SLC34A3: variants seen among roughly 807,000 people sequenced by gnomAD.
SLC34A3 encodes the protein solute carrier family 34 member 3.
In SLC34A3, 60 loss-of-function variants were observed where a neutral mutation model predicts 43.9. The ratio of observed to expected loss-of-function variants is 1.37; its 90% CI spans 1.11 to 1.70. The LOEUF (loss-of-function observed/expected upper bound fraction) is 1.70. Ranked by LOEUF, SLC34A3 falls within the 40% of genes most tolerant of loss-of-function variation. SLC34A3 has a pLI of 0.00. For synonymous variants in SLC34A3, 451 were observed against 386.2 expected (o/e 1.17, Z -1.97); for missense variants, 969 against 823.8 (o/e 1.18, Z -2.16).
At chr9:137,230,057 A>G (rs555055281), upstream of SLC34A3, among the ~76,000 whole-genome samples, 1 of 152,158 alleles carries the variant, frequency 6.6e-6, no homozygotes, top group Non-Finnish European at 1.5e-5. Flanking sequence ...CCCCATGCAC[A>G]CAGCGGGGGC....
chr9:137,232,815 C>T lies in SLC34A3; in HGVS notation c.336C>T (p.Asn112=), dbSNP rs138683772. The T allele has an allele frequency of 1.9e-5, 30 of 1,613,028 alleles. No homozygotes were observed. In the African/African-American group the frequency reaches 2.3e-4, roughly 12 times the overall value. The change falls in exon 5 of 13, where the codon AAC becomes AAT. Residue 112 remains asparagine, a synonymous_variant. Transcript: ENST00000673835. ...SKVAGDIFKD[N]VVLSNPVAGL... Reference sequence around the variant, plus strand: ...TGGCCGGAGACATCTTCAAGGACAACGTGGTGCTGTCCAACCCTGTGGCTG... The same window carrying T: ...TGGCCGGAGACATCTTCAAGGACAATGTGGTGCTGTCCAACCCTGTGGCTG...
chr9:137,233,799 C>A, intron 8 of SLC34A3, 64 bp from the exon 9 acceptor site: 3 of 1,506,862 alleles, frequency 2.0e-6, no homozygotes, highest in African/African-American at 1.4e-5. Flanking sequence ...CCCACCCTCA[C>A]CTCGAGCCCT....
chr9:137,232,076 C>T lies in SLC34A3; in HGVS notation c.90C>T (p.Thr30=). The T allele has an allele frequency of 1.2e-6, 2 of 1,613,180 alleles. No individual in the cohort carries two copies. Among genetic ancestry groups the T allele is most frequent in the Non-Finnish European group, 1.7e-6 (2 of 1,179,930 alleles). Residue 30 remains threonine (T), a synonymous_variant, in exon 3 of 13, where the codon ACC becomes ACT. Transcript: ENST00000673835. ...TACTCAATTCTACCTCCACAGGGACCTCCAGTTCTGCTCCAGTCTTGGAGG... is the reference window on the plus strand; with the variant it reads ...TACTCAATTCTACCTCCACAGGGACTTCCAGTTCTGCTCCAGTCTTGGAGG... ...LVEKTLRNEG[T]SSSAPVLEEG...
intron 12 of SLC34A3, 81 bp from the exon 13 acceptor site, chr9:137,235,871 G>A (rs1174164468): frequency 8.0e-6 from 10 of 1,256,518 alleles, no homozygotes; most frequent in African/African-American, 1.5e-5. Context: ...CCTTCTGTAG[G>A]GTGGAGGAGG....
chr9:137,231,794 G>T lies in SLC34A3; in HGVS notation c.85+7G>T, dbSNP rs375872451. The T allele has an allele frequency of 4.4e-5, 71 of 1,612,118 alleles. No individual in the cohort carries two copies. The highest frequency in any genetic ancestry group is 5.3e-5 in the Non-Finnish European group (62 of 1,179,158). On this transcript the variant is annotated splice_region_variant and intron_variant, in intron 2 of 12. Coordinates refer to ENST00000673835, the MANE Select transcript of SLC34A3 (RefSeq NM_001177316.2). ...AAGACTCTGAGGAATGAAGGTACCA[G>T]TGGCCCCTGTGCCCCAGGCCTTCAC... is the stretch of plus-strand genomic sequence containing the variant.
Position 137,234,807 on chromosome 9 carries a change from C to A in SLC34A3, c.1335+76C>A. On this transcript the variant is annotated intron_variant, in intron 12 of 12. Transcript: ENST00000673835. This position sits in a 1 kb window ranked among gnomAD's most constrained non-coding sequence, Gnocchi z 6.9. The stretch of plus-strand genomic sequence containing the variant: ...CCACAGACAGGAGTGTGTCACCAGC[C>A]CCGGGGCCCTAGGCTGGCTGTGCCC... The A allele has an allele frequency of 6.3e-7, 1 of 1,594,238 alleles. No individual in the cohort carries two copies. The highest frequency in any genetic ancestry group is 2.2e-5 in the East Asian group (1 of 44,764).
chr9:137,232,665 C>T lies in SLC34A3; in HGVS notation c.266C>T (p.Ser89Phe), dbSNP rs771867611. The change falls in exon 4 of 13, where the codon TCT becomes TTT. Residue 89 changes from serine (S) to phenylalanine (F), a missense_variant. Ser to Phe is a radical substitution (Grantham distance 155, BLOSUM62 -2). Coordinates refer to ENST00000673835, the MANE Select transcript of SLC34A3 (RefSeq NM_001177316.2). ...LLGSLYFFIC[S>F]LDVLSSAFQL... Reference sequence around the variant, plus strand: ...GGCAGCCTGTACTTCTTCATCTGCTCTCTGGACGTCCTCAGCTCCGCCTTC... The same window carrying T: ...GGCAGCCTGTACTTCTTCATCTGCTTTCTGGACGTCCTCAGCTCCGCCTTC... 2.4e-5 allele frequency: 39 copies of T among 1,612,722 alleles called. No homozygotes were observed. Among genetic ancestry groups the T allele is most frequent in the Non-Finnish European group, 3.3e-5 (39 of 1,179,950 alleles).
At chr9:137,233,564 G>T in intron 7 of SLC34A3, 69 bp from the exon 8 acceptor site, 1 of 1,572,090 alleles carries the variant, frequency 6.4e-7, no homozygotes, top group Non-Finnish European at 8.7e-7. Flanking sequence ...TGGACCCCGC[G>T]GGCGCCAGAG....
intron 3 of SLC34A3, 28 bp downstream of exon 3, chr9:137,232,189 G>A: frequency 1.9e-6 from 3 of 1,600,838 alleles, no homozygotes; most frequent in African/African-American, 2.7e-5. Context: ...GGGGGTGGCA[G>A]GCTGGCAGGC....
In SLC34A3 at chr9:137,232,185, G is replaced by A. The variant is rs1391182102; in HGVS notation, c.175+24G>A. On this transcript the variant is annotated intron_variant, in intron 3 of 12. Transcript: ENST00000673835. ...AGGTGGGTCTGGAGGTTCCGGGGGTGGCAGGCTGGCAGGCCTCTGTCCCCA... is the reference window on the plus strand; with the variant it reads ...AGGTGGGTCTGGAGGTTCCGGGGGTAGCAGGCTGGCAGGCCTCTGTCCCCA... The A allele has an allele frequency of 5.0e-6, 8 of 1,599,380 alleles. No individual in the cohort carries two copies. The South Asian group carries it at 8.8e-5, about 18-fold the overall frequency.
chr9:137,235,827 TC>T (rs1291563587), intron 12 of SLC34A3, 124 bp from the exon 13 acceptor site: 1 of 866,740 alleles, frequency 1.2e-6, no homozygotes, highest in African/African-American at 1.7e-5. Flanking sequence ...GGCCATCTCA[TC>T]CGTGAAGCAG....
chr9:137,233,525 G>A (rs1057336226), intron 7 of SLC34A3, 108 bp from the exon 8 acceptor site: 1 of 1,557,854 alleles, frequency 6.4e-7, no homozygotes, highest in Non-Finnish European at 8.8e-7. Flanking sequence ...GGACAGGGGA[G>A]GAGAGGGCAG....
At chr9:137,233,143 G>A in intron 6 of SLC34A3, 28 bp downstream of exon 6, 4 of 1,550,890 alleles carry the variant, frequency 2.6e-6, no homozygotes, top group African/African-American at 1.4e-5. Context: ...GGGCTGGGCT[G>A]GGGCTGCAGT....
Position 137,234,816 on chromosome 9 carries a change from C to G in SLC34A3, c.1335+85C>G. ...GGAGTGTGTCACCAGCCCCGGGGCCCTAGGCTGGCTGTGCCCCCGCCTTCC... is the reference window on the plus strand; with the variant it reads ...GGAGTGTGTCACCAGCCCCGGGGCCGTAGGCTGGCTGTGCCCCCGCCTTCC... On this transcript the variant is annotated intron_variant, in intron 12 of 12. Coordinates refer to ENST00000673835, the MANE Select transcript of SLC34A3 (RefSeq NM_001177316.2). This position sits in a 1 kb window ranked among gnomAD's most constrained non-coding sequence, Gnocchi z 6.9. The G allele has an allele frequency of 5.0e-6, 8 of 1,587,280 alleles. No homozygotes were observed. Among genetic ancestry groups the G allele is most frequent in the Non-Finnish European group, 6.8e-6 (8 of 1,172,184 alleles).
In SLC34A3 at chr9:137,234,722, C is replaced by A. The variant is rs144275345; in HGVS notation, c.1326C>A (p.Ser442Arg). Reference sequence around the variant, plus strand: ...CCAGCCCCGCAGACAGGATGCTCAGCGCCCTGCAGGTACTGTCCACCCTGC... The same window carrying A: ...CCAGCCCCGCAGACAGGATGCTCAGAGCCCTGCAGGTACTGTCCACCCTGC... ...ALASPADRML[S>R]ALQVALIHFF... The change falls in exon 12 of 13, where the codon AGC becomes AGA. Residue 442 changes from serine (S) to arginine (R), a missense_variant. Physicochemically the swap from Ser to Arg is moderately radical, Grantham distance 110. Transcript: ENST00000673835. This position sits in a 1 kb window ranked among gnomAD's most constrained non-coding sequence, Gnocchi z 6.9. The A allele has an allele frequency of 5.0e-6, 8 of 1,609,754 alleles. No individual in the cohort carries two copies. The highest frequency in any genetic ancestry group is 6.8e-6 in the Non-Finnish European group (8 of 1,179,810).
Position 137,232,994 on chromosome 9 carries a change from C to T in SLC34A3, c.449-10C>T, listed in dbSNP as rs562371503. The T allele has an allele frequency of 3.1e-6, 5 of 1,610,842 alleles. No homozygotes were observed. Among genetic ancestry groups the T allele is most frequent in the Non-Finnish European group, 3.4e-6 (4 of 1,179,310 alleles). On this transcript the variant is annotated splice_polypyrimidine_tract_variant and intron_variant, in intron 5 of 12. Transcript: ENST00000673835. Reference sequence around the variant, plus strand: ...TGGGCCGCAGGCTGACTCAGCCCCCCCACCAGCAGTGCTGACTGTCCGGGT... The same window carrying T: ...TGGGCCGCAGGCTGACTCAGCCCCCTCACCAGCAGTGCTGACTGTCCGGGT...
In SLC34A3 at chr9:137,234,011, G is replaced by A. The variant is rs751575247; in HGVS notation, c.925+70G>A. On this transcript the variant is annotated intron_variant, in intron 9 of 12. Coordinates refer to ENST00000673835, the MANE Select transcript of SLC34A3 (RefSeq NM_001177316.2). The surrounding 1 kb of genome is among the most constrained non-coding windows in gnomAD (Gnocchi z 6.9). ...CCCTCACCGGCCCCTACATGGAGAG[G>A]AACAGCACAGCCCCGGCGGACAGGC... 10 of 1,518,442 alleles carry A rather than the reference G, an allele frequency of 6.6e-6. No individual in the cohort carries two copies. The highest frequency in any genetic ancestry group is 2.4e-5 in the South Asian group (2 of 83,286). The allele number at this position is 1,518,442 out of a possible 1,614,324, so 94.1% of individuals were successfully genotyped here. A position where few individuals can be genotyped will look rare whatever the true frequency, so the allele number is the denominator to read the frequency against.
In SLC34A3 at chr9:137,232,998, C is replaced by T. The variant is rs751586209; in HGVS notation, c.449-6C>T. The T allele has an allele frequency of 3.7e-6, 6 of 1,611,080 alleles. No individual in the cohort carries two copies. The South Asian group carries it at 6.6e-5, about 18-fold the overall frequency. On this transcript the variant is annotated splice_region_variant and splice_polypyrimidine_tract_variant and intron_variant, in intron 5 of 12. Coordinates refer to ENST00000673835, the MANE Select transcript of SLC34A3 (RefSeq NM_001177316.2). ...CCGCAGGCTGACTCAGCCCCCCCAC[C>T]AGCAGTGCTGACTGTCCGGGTGTCT...
rs1049642491 is a variant in SLC34A3 at position 137,234,931 on chromosome 9, G to A, written c.1335+200G>A. Among the ~76,000 whole-genome samples, 2 of 152,020 alleles carry A rather than the reference G, an allele frequency of 1.3e-5. No individual in the cohort carries two copies. The highest frequency in any genetic ancestry group is 2.9e-5 in the Non-Finnish European group (2 of 67,986). ...TGCACACATTTCACACCCTCCCTGC[G>A]TCTCCTCCCTTGAGACCTCCTCACT... On this transcript the variant is annotated intron_variant, in intron 12 of 12. Coordinates refer to ENST00000673835, the MANE Select transcript of SLC34A3 (RefSeq NM_001177316.2). This position sits in a 1 kb window ranked among gnomAD's most constrained non-coding sequence, Gnocchi z 6.9.
Sources: gnomAD v4.1 joint callset for allele counts (sites outside exome capture counted in the v4.1 genomes callset) on GRCh38, gnomAD v4.1.1 for gene constraint, Gnocchi (gnomAD v3.1) non-coding constraint, MANE v1.5 for transcripts, NCBI Gene and HGNC (gene_info 2026-07-23, HGNC 2026-07-21) for gene names.